Variants in CNTNAP2 observed in about 807,000 individuals in gnomAD.
CNTNAP2 encodes the protein contactin associated protein 2, also known as contactin-associated protein-like 2.
CNTNAP2 carries 98 observed loss-of-function variants against 155.2 expected under a neutral mutation model. The ratio of observed to expected loss-of-function variants is 0.63; its 90% CI spans 0.54 to 0.75. The LOEUF (loss-of-function observed/expected upper bound fraction) is 0.75. Among genes scored for constraint, CNTNAP2 ranks in the 30% least tolerant of loss-of-function variants. CNTNAP2 has a pLI of 0.00. For synonymous variants in CNTNAP2, 651 were observed against 631.2 expected (o/e 1.03, Z -0.47); for missense variants, 1,727 against 1,688.1 (o/e 1.02, Z -0.40).
At chr7:148,182,645 A>G (rs1445249953) in intron 18 of CNTNAP2, among the ~76,000 whole-genome samples, 1 of 152,198 alleles carries the variant, frequency 6.6e-6, no homozygotes, top group African/African-American at 2.4e-5. Flanking sequence ...TTTTACCTCT[A>G]TTAATTCCAA....
At chr7:146,954,055 T>A (rs1472760346) in intron 3 of CNTNAP2, among the ~76,000 whole-genome samples, 1 of 151,930 alleles carries the variant, frequency 6.6e-6, no homozygotes, top group Admixed American at 6.6e-5. Context: ...TAAAAGCAAC[T>A]CTTATTTCAT....
At chr7:147,816,824 G>A (rs1023755794) in intron 13 of CNTNAP2, among the ~76,000 whole-genome samples, 2 of 151,846 alleles carry the variant, frequency 1.3e-5, no homozygotes, top group African/African-American at 2.4e-5. Flanking sequence ...TCAAAGCAAC[G>A]TTCATCAGTG....
chr7:147,231,039 T>C (rs938660493), intron 8 of CNTNAP2, among the ~76,000 whole-genome samples: 1 of 152,178 alleles, frequency 6.6e-6, no homozygotes, highest in Non-Finnish European at 1.5e-5. Context: ...AAGCACGTAT[T>C]ACATGGCAGC....
At chr7:147,199,254 G>A (rs1398685371) in intron 8 of CNTNAP2, among the ~76,000 whole-genome samples, 4 of 152,078 alleles carry the variant, frequency 2.6e-5, no homozygotes, top group Non-Finnish European at 4.4e-5. Flanking sequence ...GAGCCACCGC[G>A]CCCGGCCCTA....
chr7:147,374,160 TA>T (rs890616224), intron 9 of CNTNAP2, among the ~76,000 whole-genome samples: 32 of 152,096 alleles, frequency 2.1e-4, no homozygotes, highest in African/African-American at 4.3e-4. Context: ...ATTTTACTTT[TA>T]TTTTTTTTCT....
chr7:148,209,397 G>T (rs1585189098), intron 18 of CNTNAP2, among the ~76,000 whole-genome samples: 2 of 148,130 alleles, frequency 1.4e-5, no homozygotes, highest in South Asian at 2.1e-4. Flanking sequence ...GCCTTCCAAA[G>T]TGCTGGGATT....
chr7:147,270,618 A>T (rs1021354467), intron 8 of CNTNAP2, among the ~76,000 whole-genome samples: 1 of 152,208 alleles, frequency 6.6e-6, no homozygotes, highest in African/African-American at 2.4e-5. Context: ...CTAGGGTAGT[A>T]GAATCTCTTA....
rs866730178 is a variant in CNTNAP2 at position 146,828,010 on chromosome 7, A to G, written c.209-11701A>G. 1.7e-4 allele frequency among the ~76,000 whole-genome samples: 26 copies of G among 152,218 alleles called. 1 individual carries two copies. The highest frequency in any genetic ancestry group is 7.2e-4 in the Admixed American group (11 of 15,268). On this transcript the variant is annotated intron_variant, in intron 2 of 23. Transcript: ENST00000361727. ...CATATCTGGTTTTCCATATGGTAAA[A>G]TCTTTAAAGATTTTTTGTACATTCT... is the stretch of plus-strand genomic sequence containing the variant.
chr7:148,148,388 T>A (rs1001850418), intron 17 of CNTNAP2, among the ~76,000 whole-genome samples: 2 of 152,250 alleles, frequency 1.3e-5, no homozygotes, highest in Admixed American at 6.5e-5. Context: ...TTCCCATGGC[T>A]AGTTGAATTT....
chr7:148,107,151 T>G (rs1804241446), intron 15 of CNTNAP2, among the ~76,000 whole-genome samples: 2 of 152,134 alleles, frequency 1.3e-5, no homozygotes, highest in African/African-American at 4.8e-5. Context: ...ACCTCATAAG[T>G]ACCCTTTATA....
chr7:147,985,311 TG>T (rs758670547), intron 15 of CNTNAP2, among the ~76,000 whole-genome samples: 12 of 151,024 alleles, frequency 7.9e-5, no homozygotes, highest in East Asian at 2.0e-4. Context: ...GTAATCCCTC[TG>T]GGGCTCTCCT....
chr7:148,133,712 A>T (rs1328619570), intron 16 of CNTNAP2: 1 of 152,204 alleles, frequency 6.6e-6, no homozygotes, highest in Admixed American at 6.5e-5. Context: ...CTCCACCTGG[A>T]TGCACAGGGA....
chr7:147,378,690 T>C (rs1405695946), intron 9 of CNTNAP2, among the ~76,000 whole-genome samples: 3 of 152,090 alleles, frequency 2.0e-5, no homozygotes, highest in Non-Finnish European at 4.4e-5. Flanking sequence ...TAATGTTTGA[T>C]AGTACAACAA....
At chr7:147,450,133 G>A (rs960515881) in intron 10 of CNTNAP2, among the ~76,000 whole-genome samples, 4 of 152,136 alleles carry the variant, frequency 2.6e-5, no homozygotes, top group African/African-American at 7.2e-5. Flanking sequence ...CAAATCAGCC[G>A]AATGTAATCA....
intron 1 of CNTNAP2, among the ~76,000 whole-genome samples, chr7:146,722,803 T>C (rs964085730): frequency 2.0e-5 from 3 of 151,996 alleles, no homozygotes; most frequent in Non-Finnish European, 4.4e-5. Flanking sequence ...GATTACGAGG[T>C]CAGGAGTTCG....
At chr7:147,831,189 A>G (rs1259989817) in intron 13 of CNTNAP2, among the ~76,000 whole-genome samples, 2 of 152,228 alleles carry the variant, frequency 1.3e-5, no homozygotes, top group East Asian at 1.9e-4. Flanking sequence ...ATCATAAATT[A>G]TAGTGATTAA....
chr7:147,478,461 G>A (rs964826182), intron 10 of CNTNAP2, among the ~76,000 whole-genome samples: 12 of 152,088 alleles, frequency 7.9e-5, no homozygotes, highest in Admixed American at 7.9e-4. Context: ...CCTATTTGTT[G>A]TTATAATAAA....
At chr7:147,567,346 G>T (rs1800194243) in intron 12 of CNTNAP2, among the ~76,000 whole-genome samples, 1 of 152,198 alleles carries the variant, frequency 6.6e-6, no homozygotes, top group African/African-American at 2.4e-5. Flanking sequence ...CAAAGCAGTT[G>T]AAAGTTTGTC....
chr7:147,627,557 T>C (rs2116903427), intron 12 of CNTNAP2, among the ~76,000 whole-genome samples: 1 of 151,994 alleles, frequency 6.6e-6, no homozygotes, highest in Non-Finnish European at 1.5e-5. Flanking sequence ...GTTTGGTGTG[T>C]GGTGGGCACC....
Sources: gnomAD v4.1 joint callset for allele counts (sites outside exome capture counted in the v4.1 genomes callset) on GRCh38, gnomAD v4.1.1 for gene constraint, MANE v1.5 for transcripts, NCBI Gene and HGNC (gene_info 2026-07-23, HGNC 2026-07-21) for gene names.